C2CD2: variants seen among roughly 807,000 people sequenced by gnomAD.
C2CD2 encodes the protein C2 calcium dependent domain containing 2.
In C2CD2, 43 loss-of-function variants were observed where a neutral mutation model predicts 74.3. That is an observed-to-expected ratio of 0.58 (90% CI 0.45 to 0.75). The LOEUF (loss-of-function observed/expected upper bound fraction) is 0.75, where lower values mean the gene tolerates loss of function less well. Ranked by LOEUF, C2CD2 falls within the 30% of genes least tolerant of loss-of-function variation. C2CD2 has a pLI of 0.00. For missense variants in C2CD2, 801 were observed against 916.3 expected (o/e 0.87, Z 1.63); for synonymous variants, 422 against 390.7 (o/e 1.08, Z -0.94).
At chr21:41,914,529 C>A in intron 6 of C2CD2, 69 bp downstream of exon 6, 2 of 1,450,092 alleles carry the variant, frequency 1.4e-6, no homozygotes, top group East Asian at 4.8e-5. Flanking sequence ...CAAGGCCCCC[C>A]GGAGCCCCCG....
At chr21:41,944,513 C>T (rs1296130236) in intron 1 of C2CD2, among the ~76,000 whole-genome samples, 1 of 101,270 alleles carries the variant, frequency 9.9e-6, no homozygotes, top group Non-Finnish European at 1.9e-5. Flanking sequence ...CAGAGCGAGA[C>T]TCTGCCTCAA....
intron 10 of C2CD2, 123 bp downstream of exon 10, chr21:41,906,869 T>G: frequency 1.4e-6 from 1 of 691,558 alleles, no homozygotes; most frequent in Non-Finnish European, 2.5e-6. Context: ...GCACCCTTCC[T>G]GTGCTGTGAG....
chr21:41,915,392 C>A (rs1011958888), intron 5 of C2CD2, among the ~76,000 whole-genome samples: 1 of 152,156 alleles, frequency 6.6e-6, no homozygotes, highest in Non-Finnish European at 1.5e-5. Context: ...CAGCTTCAAA[C>A]CAGCATTTCC....
At chr21:41,913,947 T>A (rs2065057619) in intron 6 of C2CD2, among the ~76,000 whole-genome samples, 1 of 152,064 alleles carries the variant, frequency 6.6e-6, no homozygotes, top group South Asian at 2.1e-4. Flanking sequence ...TACATCCCCC[T>A]TCACCCACTT....
chr21:41,901,466 G>T, intron 12 of C2CD2, 156 bp downstream of exon 12: 1 of 769,704 alleles, frequency 1.3e-6, no homozygotes, highest in Non-Finnish European at 2.3e-6. Flanking sequence ...CACCACACAT[G>T]ACTCCTTTGT....
intron 2 of C2CD2, among the ~76,000 whole-genome samples, chr21:41,940,114 TC>T (rs2065342535): frequency 6.6e-6 from 1 of 151,696 alleles, no homozygotes; most frequent in African/African-American, 2.4e-5. Context: ...TATTCAAAAA[TC>T]CAAAAAAAGA....
chr21:41,940,754 C>T (rs1365688928), intron 2 of C2CD2, among the ~76,000 whole-genome samples: 1 of 152,160 alleles, frequency 6.6e-6, no homozygotes, highest in African/African-American at 2.4e-5. Context: ...ATGGGGAAGG[C>T]GGGAAGCACT....
At position 41,948,932 on chromosome 21, in the gene C2CD2, C is replaced by T. The variant is rs1385539283; in HGVS notation, c.279+4438G>A. On this transcript the variant is annotated intron_variant, in intron 1 of 13. Coordinates refer to ENST00000380486, the MANE Select transcript of C2CD2 (RefSeq NM_015500.2). ...AGACCATAATGATCATAGTCTTGAT[C>T]ATTTGCAATTAGAACATACCTCTAA... is the stretch of plus-strand genomic sequence containing the variant. Among the ~76,000 whole-genome samples the T allele has an allele frequency of 4.6e-5, 5 of 108,884 alleles. No homozygotes were observed. In the Admixed American group the frequency reaches 7.0e-4, roughly 15 times the overall value. 71.4% of individuals were successfully genotyped at this position (108,884 alleles called of 152,430 possible). A position where few individuals can be genotyped will look rare whatever the true frequency, so the allele number is the denominator to read the frequency against.
In C2CD2 at chr21:41,923,186, G is replaced by A. The variant is rs1015288141; in HGVS notation, c.379-1101C>T. On this transcript the variant is annotated intron_variant, in intron 2 of 13. Transcript: ENST00000380486. The surrounding 1 kb of genome is among the most constrained non-coding windows in gnomAD (Gnocchi z 5.8). Reference sequence around the variant, plus strand: ...AATTTTTTGTGTTTTTAGTAGAGACGGGGTTTCACCATTAGCCAGGAGGGT... The same window carrying A: ...AATTTTTTGTGTTTTTAGTAGAGACAGGGTTTCACCATTAGCCAGGAGGGT... Among the ~76,000 whole-genome samples the A allele has an allele frequency of 1.6e-4, 25 of 151,932 alleles. No homozygotes were observed. The highest frequency in any genetic ancestry group is 5.3e-4 in the African/African-American group (22 of 41,352).
intron 1 of C2CD2, among the ~76,000 whole-genome samples, chr21:41,950,572 C>A (rs774804677): frequency 1.4e-4 from 21 of 152,202 alleles, no homozygotes; most frequent in Admixed American, 5.9e-4. Flanking sequence ...ACATTAACAA[C>A]TCTACTCTCT....
In C2CD2 at chr21:41,885,842, C is replaced by T. The variant is rs2064677499; in HGVS notation, c.*3282G>A. 6.6e-6 allele frequency: 1 copy of T among 152,330 alleles called. No individual in the cohort carries two copies. Among genetic ancestry groups the T allele is most frequent in the African/African-American group, 2.4e-5 (1 of 41,434 alleles). The allele number at this position is 152,330 out of a possible 1,614,324, so 9.4% of individuals were successfully genotyped here. ...AAAATCTAAACGGGCACCAGGTGGC[C>T]ACTGAGTGGCGACTGGTCGAGTAGC... On this transcript the variant is annotated 3_prime_UTR_variant, in exon 14 of 14. Coordinates refer to ENST00000380486, the MANE Select transcript of C2CD2 (RefSeq NM_015500.2).
Position 41,907,125 on chromosome 21 carries a change from G to T in C2CD2, c.1185C>A (p.Ile395=), listed in dbSNP as rs1254331684. Residue 395 remains isoleucine (I), a synonymous_variant, in exon 10 of 14, where the codon ATC becomes ATA. Transcript: ENST00000380486. The stretch of plus-strand genomic sequence containing the variant: ...TTTTTGCAGCAGGAACAGGGGGAGG[G>T]ATGGGCCAGGATTTCAATTCACCAG... ...MEPGELKSWP[I]PPPVPAAKIE... The T allele has an allele frequency of 6.2e-7, 1 of 1,613,928 alleles. No individual in the cohort carries two copies. Among genetic ancestry groups the T allele is most frequent in the Non-Finnish European group, 8.5e-7 (1 of 1,179,906 alleles).
intron 13 of C2CD2, among the ~76,000 whole-genome samples, chr21:41,894,084 G>A (rs115399793): frequency 9.2e-5 from 14 of 152,276 alleles, no homozygotes; most frequent in African/African-American, 2.9e-4. Context: ...TCCTGAAATC[G>A]TTTGTGTGAC....
At chr21:41,905,184 T>C (rs1444145577) in intron 11 of C2CD2, among the ~76,000 whole-genome samples, 2 of 152,216 alleles carry the variant, frequency 1.3e-5, no homozygotes, top group Non-Finnish European at 2.9e-5. Context: ...CTTTTTATTT[T>C]GTTAAAGCAT....
At chr21:41,914,509 C>A in intron 6 of C2CD2, 89 bp downstream of exon 6, 2 of 1,187,152 alleles carry the variant, frequency 1.7e-6, no homozygotes, top group East Asian at 2.5e-5. Flanking sequence ...GAGGATGCCA[C>A]CAGAGAATCC....
At chr21:41,902,241 A>G (rs1013644983) in intron 11 of C2CD2, among the ~76,000 whole-genome samples, 2 of 152,228 alleles carry the variant, frequency 1.3e-5, no homozygotes, top group African/African-American at 2.4e-5. Flanking sequence ...TTGAAAGGCA[A>G]GGTAGTGACT....
chr21:41,927,273 C>A (rs905620924), intron 2 of C2CD2, among the ~76,000 whole-genome samples: 6 of 152,172 alleles, frequency 3.9e-5, no homozygotes, highest in Non-Finnish European at 8.8e-5. Flanking sequence ...TTAAGCAATT[C>A]TCCTGCCTTA....
intron 2 of C2CD2, among the ~76,000 whole-genome samples, chr21:41,928,544 CAAAAAAAA>C (rs59346777): frequency 0.024 from 1,728 of 72,360 alleles, 35 homozygotes; most frequent in African/African-American, 0.085. Flanking sequence ...TAAAGCAAAG[CAAAAAAAA>C]AAAAAAAAAA....
intron 5 of C2CD2, among the ~76,000 whole-genome samples, chr21:41,915,699 C>G (rs2065082189): frequency 6.6e-6 from 1 of 152,232 alleles, no homozygotes; most frequent in African/African-American, 2.4e-5. Flanking sequence ...CTCAGCCTCC[C>G]AAAGTGCTGG....
Sources: allele counts gnomAD v4.1 joint callset (sites outside exome capture counted in the v4.1 genomes callset), GRCh38; gene constraint gnomAD v4.1.1; non-coding constraint Gnocchi (gnomAD v3.1); transcripts MANE v1.5; gene names NCBI Gene and HGNC (gene_info 2026-07-23, HGNC 2026-07-21).